Variants in TPR observed in about 807,000 individuals in gnomAD.
TPR encodes the protein nucleoprotein TPR.
A neutral mutation model predicts 316.1 loss-of-function variants in TPR; 51 were observed. The observed-to-expected ratio is 0.16, with a 90% CI of 0.13 to 0.20. The LOEUF (loss-of-function observed/expected upper bound fraction) is 0.20, where lower values mean the gene tolerates loss of function less well. Among genes scored for constraint, TPR ranks in the 10% least tolerant of loss-of-function variants. The pLI is 1.00. For synonymous variants in TPR, 981 were observed against 914.7 expected (o/e 1.07, Z -1.31); for missense variants, 2,272 against 2,754.8 (o/e 0.82, Z 3.92).
At position 186,326,536 on chromosome 1, in the gene TPR, G is replaced by A. The variant is rs1455757872; in HGVS notation, c.5890-301C>T. On this transcript the variant is annotated intron_variant, in intron 40 of 50. Transcript: ENST00000367478. ...CCAGTTTAATTCTAAATTTAAACAG[G>A]TGGAGTTGAAGAAAATGATAAAATT... Among the ~76,000 whole-genome samples, 3 of 152,026 alleles carry A rather than the reference G, an allele frequency of 2.0e-5. No homozygotes were observed. The East Asian group carries it at 5.8e-4, about 29-fold the overall frequency.
Position 186,344,629 on chromosome 1 carries a change from C to T in TPR, c.3214-51G>A, listed in dbSNP as rs375277449. The T allele has an allele frequency of 2.0e-5, 28 of 1,366,918 alleles. No individual in the cohort carries two copies. In the African/African-American group the frequency reaches 2.9e-4, roughly 14 times the overall value. 84.7% of individuals were successfully genotyped at this position (1,366,918 alleles called of 1,614,324 possible). On this transcript the variant is annotated intron_variant, in intron 24 of 50. Transcript: ENST00000367478. ...TACCAAAGATTAAAAATCCATAAAA[C>T]TAGTTAGCACTTGTCCAAAGATACA...
intron 14 of TPR, among the ~76,000 whole-genome samples, chr1:186,357,034 C>T (rs1005726467): frequency 1.2e-4 from 19 of 152,116 alleles, no homozygotes; most frequent in African/African-American, 4.1e-4. Flanking sequence ...GTATCTAGCA[C>T]TGTTAGGAAC....
At chr1:186,347,501 G>C (rs1558016802) in intron 21 of TPR, 43 bp from the exon 22 acceptor site, 21 of 1,587,688 alleles carry the variant, frequency 1.3e-5, no homozygotes, top group Non-Finnish European at 1.8e-5. Flanking sequence ...ATTTTCAATA[G>C]TATTAGAGAT....
At chr1:186,331,070 C>CA (rs1455992767) in intron 39 of TPR, among the ~76,000 whole-genome samples, 1 of 151,684 alleles carries the variant, frequency 6.6e-6, no homozygotes, top group Non-Finnish European at 1.5e-5. Context: ...AATGAGAGAT[C>CA]AAAAAATGAA....
intron 39 of TPR, among the ~76,000 whole-genome samples, chr1:186,331,174 ATAAAT>A (rs1303030856): frequency 6.6e-6 from 1 of 152,128 alleles, no homozygotes; most frequent in Non-Finnish European, 1.5e-5. Flanking sequence ...ATGGGGCACT[ATAAAT>A]TAACTCAAGA....
chr1:186,347,454 C>A lies in TPR; in HGVS notation c.2781G>T (p.Gln927His), dbSNP rs767276266. ...SQSSQRTGKGQPSNKEDVDDL... is the reference protein window; with the variant it reads ...SQSSQRTGKGHPSNKEDVDDL... ...CATCCACATCTTCTTTGTTGCTAGG[C>A]TGACCTAAAAGACATAACAGCTCTG... The change falls in exon 22 of 51, where the codon CAG (glutamine) becomes CAT (histidine). Residue 927 changes from glutamine (Q) to histidine (H), a missense_variant. Gln to His is a conservative substitution (Grantham distance 24, BLOSUM62 0). This residue lies in a region of TPR where 757 missense variants were observed against 859.8 expected (regional missense o/e 0.88). Transcript: ENST00000367478. 4 of 1,613,652 alleles carry A rather than the reference C, an allele frequency of 2.5e-6. No individual in the cohort carries two copies. The Admixed American group carries it at 6.7e-5, about 27-fold the overall frequency.
intron 14 of TPR, 176 bp from the exon 15 acceptor site, chr1:186,356,625 G>A: frequency 1.7e-6 from 1 of 573,594 alleles, no homozygotes; most frequent in African/African-American, 1.9e-5. Context: ...CCACCACACA[G>A]GACTCAGGTA....
intron 3 of TPR, among the ~76,000 whole-genome samples, chr1:186,369,645 T>C (rs1243168378): frequency 6.6e-6 from 1 of 152,188 alleles, no homozygotes; most frequent in African/African-American, 2.4e-5. Flanking sequence ...TTTTGTGGAA[T>C]CTTTCAGGTT....
chr1:186,355,840 G>A, intron 15 of TPR, 72 bp from the exon 16 acceptor site: 6 of 1,515,590 alleles, frequency 4.0e-6, no homozygotes, highest in Non-Finnish European at 4.5e-6. Context: ...ATGCTTCTTT[G>A]CAAATACACT....
chr1:186,326,013 A>G, intron 41 of TPR, 91 bp downstream of exon 41: 1 of 1,572,332 alleles, frequency 6.4e-7, no homozygotes, highest in Non-Finnish European at 8.6e-7. Context: ...GTTTTAGTGA[A>G]TTTCATAAGC....
intron 34 of TPR, 39 bp from the exon 35 acceptor site, chr1:186,335,168 CAA>C: frequency 6.3e-7 from 1 of 1,580,734 alleles, no homozygotes; most frequent in Non-Finnish European, 8.6e-7. Context: ...TCCTAGCCCA[CAA>C]GAGTCCACTA....
intron 42 of TPR, 143 bp from the exon 43 acceptor site, chr1:186,324,013 G>A: frequency 1.2e-6 from 1 of 815,334 alleles, no homozygotes. Flanking sequence ...TGTGATGGAA[G>A]CAAATGTGGG....
intron 4 of TPR, among the ~76,000 whole-genome samples, chr1:186,363,723 G>GTT (rs538032465): frequency 8.5e-4 from 129 of 152,096 alleles, no homozygotes; most frequent in Non-Finnish European, 1.5e-3. Flanking sequence ...AAAAGCTACT[G>GTT]TAAGTGCATA....
rs972198387 is a variant in TPR at position 186,325,217 on chromosome 1, A to G, written c.6112+547T>C. 9.8e-5 allele frequency among the ~76,000 whole-genome samples: 15 copies of G among 152,308 alleles called. No homozygotes were observed. In the East Asian group the frequency reaches 2.7e-3, roughly 27 times the overall value. The stretch of plus-strand genomic sequence containing the variant: ...GTTAGTTATCTATTACCAGATAATC[A>G]CTAATTATTTAATACACATTTCAAA... On this transcript the variant is annotated intron_variant, in intron 42 of 50. Transcript: ENST00000367478.
In TPR at chr1:186,355,398, A is replaced by G; in HGVS notation, c.2171+12T>C. 1 of 1,601,908 alleles carries G rather than the reference A, an allele frequency of 6.2e-7. No individual in the cohort carries two copies. Reference sequence around the variant, plus strand: ...TTTAGACTTAATTAATTTGAAACAAAAGAAAACTTACCGTTTAGAAGCAAA... The same window carrying G: ...TTTAGACTTAATTAATTTGAAACAAGAGAAAACTTACCGTTTAGAAGCAAA... On this transcript the variant is annotated intron_variant, in intron 17 of 50. Transcript: ENST00000367478.
intron 39 of TPR, among the ~76,000 whole-genome samples, chr1:186,328,284 A>G (rs938895326): frequency 2.6e-5 from 4 of 152,210 alleles, no homozygotes; most frequent in African/African-American, 9.6e-5. Context: ...GCTGTGAGAC[A>G]GGAATATGTC....
rs951814345 is a variant in TPR at position 186,339,492 on chromosome 1, G to A, written c.4151+150C>T. 1.1e-5 allele frequency: 5 copies of A among 465,458 alleles called. No individual in the cohort carries two copies. In the Admixed American group the frequency reaches 1.3e-4, roughly 12 times the overall value. The allele number at this position is 465,458 out of a possible 1,614,324, so 28.8% of individuals were successfully genotyped here. On this transcript the variant is annotated intron_variant, in intron 30 of 50. Coordinates refer to ENST00000367478, the MANE Select transcript of TPR (RefSeq NM_003292.3). ...AAGGCATAATATTAAATCACTGCTT[G>A]ACTCTACAAAGTAGATGGAAGTCAG...
intron 4 of TPR, among the ~76,000 whole-genome samples, chr1:186,365,805 A>G (rs1438744389): frequency 6.6e-6 from 1 of 152,236 alleles, no homozygotes; most frequent in Non-Finnish European, 1.5e-5. Flanking sequence ...GAGATTGTGG[A>G]TATGGCAAAA....
At position 186,353,802 on chromosome 1, in the gene TPR, T is replaced by A. The variant is rs1373765667; in HGVS notation, c.2220A>T (p.Thr740=). Residue 740 remains threonine, a synonymous_variant, in exon 18 of 51, where the codon ACA becomes ACT. Transcript: ENST00000367478. The part of the protein sequence containing the change: ...DNVEGYRREI[T]SLHERNQKLT... ...GTTTCTGATTTCTCTCATGAAGTGA[T>A]GTTATTTCTCGACGATATCCTTCAA... 6.2e-7 allele frequency: 1 copy of A among 1,614,136 alleles called. No homozygotes were observed. Among genetic ancestry groups the A allele is most frequent in the East Asian group, 2.2e-5 (1 of 44,858 alleles).
Sources: allele counts gnomAD v4.1 joint callset (sites outside exome capture counted in the v4.1 genomes callset), GRCh38; gene constraint gnomAD v4.1.1; regional missense constraint gnomAD v4.1.1; transcripts MANE v1.5; gene names NCBI Gene and HGNC (gene_info 2026-07-23, HGNC 2026-07-21).